EXOC2: variants seen among roughly 807,000 people sequenced by gnomAD.
EXOC2 encodes exocyst complex component 2.
EXOC2 carries 70 observed loss-of-function variants against 131.8 expected under a neutral mutation model. That is an observed-to-expected ratio of 0.53 (90% CI 0.44 to 0.65). The LOEUF is 0.65. Among genes scored for constraint, EXOC2 ranks in the 30% least tolerant of loss-of-function variants. The pLI is 0.00. For missense variants in EXOC2, 923 were observed against 1,108.6 expected, an observed-to-expected ratio of 0.83 and a Z score of 2.38; for synonymous variants, 411 against 398.4, an observed-to-expected ratio of 1.03 and a Z score of -0.38.
intron 13 of EXOC2, among the ~76,000 whole-genome samples, chr6:568,440 G>A (rs887138369): frequency 5.3e-5 from 8 of 152,174 alleles, no homozygotes; most frequent in Non-Finnish European, 7.3e-5. Flanking sequence ...TTACAGCATC[G>A]GCCATCCAGC....
At chr6:514,158 C>T (rs1437404835) in intron 23 of EXOC2, among the ~76,000 whole-genome samples, 3 of 152,168 alleles carry the variant, frequency 2.0e-5, no homozygotes, top group Non-Finnish European at 4.4e-5. Context: ...TCTGCCTCTT[C>T]CAGGCCGACA....
At chr6:517,342 TA>T (rs925691260) in intron 23 of EXOC2, among the ~76,000 whole-genome samples, 10 of 150,882 alleles carry the variant, frequency 6.6e-5, no homozygotes, top group Non-Finnish European at 1.5e-4. Context: ...ACAACTAAAT[TA>T]AAAAAAAATC....
intron 1 of EXOC2, among the ~76,000 whole-genome samples, chr6:688,112 T>G (rs1024764198): frequency 2.0e-5 from 3 of 152,214 alleles, no homozygotes; most frequent in African/African-American, 7.2e-5. Context: ...CCTGCGATTC[T>G]CCACTTACAT....
chr6:495,940 T>A (rs1763710350), intron 25 of EXOC2, among the ~76,000 whole-genome samples: 1 of 152,222 alleles, frequency 6.6e-6, no homozygotes, highest in Non-Finnish European at 1.5e-5. Flanking sequence ...ACTGGATAAT[T>A]TCTATTGGTT....
intron 1 of EXOC2, among the ~76,000 whole-genome samples, chr6:686,994 T>C (rs1023644657): frequency 3.3e-5 from 5 of 152,194 alleles, no homozygotes; most frequent in East Asian, 1.9e-4. Flanking sequence ...CACAAATCTA[T>C]TGCCAGTAGT....
chr6:549,846 C>T (rs1000186707), intron 21 of EXOC2, among the ~76,000 whole-genome samples: 5 of 152,176 alleles, frequency 3.3e-5, no homozygotes, highest in African/African-American at 9.7e-5. Flanking sequence ...GGAATAATCT[C>T]CCTCTAATGG....
At chr6:616,511 G>GA in intron 6 of EXOC2, among the ~76,000 whole-genome samples, 1 of 148,722 alleles carries the variant, frequency 6.7e-6, no homozygotes, top group East Asian at 2.1e-4. Context: ...GCTGAGGCAG[G>GA]AGAATGGCGT....
chr6:658,731 G>A (rs1457411923), intron 1 of EXOC2, among the ~76,000 whole-genome samples: 1 of 144,230 alleles, frequency 6.9e-6, no homozygotes, highest in Non-Finnish European at 1.5e-5. Flanking sequence ...GCGTGATCTC[G>A]GCTCACTGCG....
chr6:615,766 G>A (rs1003305066), intron 6 of EXOC2, among the ~76,000 whole-genome samples: 1 of 151,818 alleles, frequency 6.6e-6, no homozygotes, highest in African/African-American at 2.4e-5. Flanking sequence ...GGTAAGAAAG[G>A]TGAGGGGATG....
chr6:581,859 G>A (rs549302540), intron 11 of EXOC2, among the ~76,000 whole-genome samples: 6 of 151,778 alleles, frequency 4.0e-5, no homozygotes, highest in Non-Finnish European at 7.4e-5. Context: ...ACATATGCTT[G>A]CAATATCCTC....
intron 1 of EXOC2, among the ~76,000 whole-genome samples, chr6:684,079 G>A (rs1175076158): frequency 1.3e-5 from 2 of 151,186 alleles, no homozygotes; most frequent in African/African-American, 4.8e-5. Context: ...CTGAGCGGGA[G>A]ACCACACACT....
intron 23 of EXOC2, among the ~76,000 whole-genome samples, chr6:511,391 T>A (rs1330098642): frequency 6.6e-6 from 1 of 151,642 alleles, no homozygotes; most frequent in African/African-American, 2.4e-5. Context: ...CATAATAAAA[T>A]GGAAGGCAAA....
chr6:541,925 T>C (rs1340688890), intron 22 of EXOC2, among the ~76,000 whole-genome samples: 1 of 152,226 alleles, frequency 6.6e-6, no homozygotes, highest in Non-Finnish European at 1.5e-5. Flanking sequence ...ATATATTCTT[T>C]AATTCATGTT....
At chr6:512,079 C>T (rs1397709741) in intron 23 of EXOC2, among the ~76,000 whole-genome samples, 1 of 152,244 alleles carries the variant, frequency 6.6e-6, no homozygotes, top group Admixed American at 6.5e-5. Flanking sequence ...TATACACACA[C>T]AGTCTTCTTC....
chr6:492,345 C>G (rs907572501), intron 25 of EXOC2, among the ~76,000 whole-genome samples: 12 of 152,200 alleles, frequency 7.9e-5, no homozygotes, highest in African/African-American at 2.9e-4. Context: ...AACCGTCTGG[C>G]AGTTCCTCAG....
intron 17 of EXOC2, among the ~76,000 whole-genome samples, chr6:561,611 G>C (rs1757701976): frequency 6.6e-6 from 1 of 151,946 alleles, no homozygotes; most frequent in African/African-American, 2.4e-5. Flanking sequence ...TTTTTTGACA[G>C]AGTCTCGCTC....
At chr6:548,561 A>T (rs997065653) in intron 22 of EXOC2, among the ~76,000 whole-genome samples, 3 of 152,352 alleles carry the variant, frequency 2.0e-5, no homozygotes, top group Middle Eastern at 3.4e-3. Context: ...ATTAATTTCT[A>T]CTGGACTCCC....
chr6:620,244 C>T (rs754909115), intron 4 of EXOC2, among the ~76,000 whole-genome samples: 8 of 152,168 alleles, frequency 5.3e-5, no homozygotes, highest in Non-Finnish European at 1.0e-4. Context: ...ATGTACCCAC[C>T]GAGGCTCACA....
chr6:542,825 G>T (rs1158452404), intron 22 of EXOC2, among the ~76,000 whole-genome samples: 1 of 152,200 alleles, frequency 6.6e-6, no homozygotes, highest in African/African-American at 2.4e-5. Context: ...GAATGATAAG[G>T]TGTTGGAGTA....
Sources: gnomAD v4.1 joint callset for allele counts (sites outside exome capture counted in the v4.1 genomes callset) on GRCh38, gnomAD v4.1.1 for gene constraint, MANE v1.5 for transcripts, NCBI Gene and HGNC (gene_info 2026-07-23, HGNC 2026-07-21) for gene names.